The following MTA3 variants were observed in gnomAD, a reference collection of about 807,000 sequenced individuals.
MTA3 encodes metastasis associated 1 family member 3, also known as metastasis-associated protein MTA3.
Under a neutral mutation model 83.5 loss-of-function variants are expected in MTA3, and 34 were observed. The ratio of observed to expected loss-of-function variants is 0.41; its 90% confidence interval spans 0.31 to 0.54. The LOEUF (loss-of-function observed/expected upper bound fraction) is 0.54. MTA3 is among the 20% of genes least tolerant of loss of function. MTA3 has a pLI of 0.33. For missense variants in MTA3, 761 were observed against 726.4 expected (o/e 1.05, Z -0.55); for synonymous variants, 303 against 252.7 (o/e 1.20, Z -1.89).
At chr2:42,587,963 A>G (rs575976205) in intron 3 of MTA3, among the ~76,000 whole-genome samples, 26 of 152,310 alleles carry the variant, frequency 1.7e-4, no homozygotes, top group African/African-American at 5.8e-4. Context: ...AGAAATGCCT[A>G]TGTAAATTAA....
chr2:42,586,477 A>AACACACACACAC lies in MTA3; in HGVS notation c.190+7303_190+7314dup, dbSNP rs573814961. On this transcript the variant is annotated intron_variant, in intron 3 of 16. Transcript: ENST00000405094. ...GAAACCGGTACAAAGAAGGAAGGAA[A>AACACACACACAC]ACACACACACACACACACACACACA... Among the ~76,000 whole-genome samples the AACACACACACAC allele has an allele frequency of 4.8e-3, 349 of 72,710 alleles. 6 individuals carry two copies. The highest frequency in any genetic ancestry group is 0.018 in the African/African-American group (302 of 16,788). The allele number at this position is 72,710 out of a possible 152,430, so 47.7% of individuals were successfully genotyped here. A position where few individuals can be genotyped will look rare whatever the true frequency, so the allele number is the denominator to read the frequency against.
chr2:42,520,724 C>G (rs1675386972), intron 2 of MTA3, among the ~76,000 whole-genome samples: 1 of 152,054 alleles, frequency 6.6e-6, no homozygotes, highest in African/African-American at 2.4e-5. Context: ...CACCACCACA[C>G]CGGGCTAATT....
chr2:42,726,392 A>C (rs1333661052), intron 16 of MTA3, among the ~76,000 whole-genome samples: 1 of 150,828 alleles, frequency 6.6e-6, no homozygotes, highest in Non-Finnish European at 1.5e-5. Flanking sequence ...TTTAGGGTAC[A>C]TGTGCACAAT....
chr2:42,507,469 A>G (rs970659433), intron 2 of MTA3, among the ~76,000 whole-genome samples: 7 of 152,024 alleles, frequency 4.6e-5, no homozygotes, highest in African/African-American at 1.2e-4. Flanking sequence ...CTGGCTGAGA[A>G]TAAGATTTCT....
chr2:42,568,936 C>T (rs1165971199), intron 1 of MTA3, among the ~76,000 whole-genome samples, 163 bp downstream of exon 1: 1 of 151,282 alleles, frequency 6.6e-6, no homozygotes, highest in Admixed American at 6.6e-5. Flanking sequence ...CCCACCCCCA[C>T]CCATCCCTTC....
At chr2:42,617,134 G>C (rs752006379) in intron 4 of MTA3, among the ~76,000 whole-genome samples, 1 of 152,190 alleles carries the variant, frequency 6.6e-6, no homozygotes, top group Non-Finnish European at 1.5e-5. Flanking sequence ...TAGCCTATAA[G>C]AATTATTTAG....
chr2:42,731,735 C>A (rs1282125840), intron 16 of MTA3, among the ~76,000 whole-genome samples: 1 of 152,164 alleles, frequency 6.6e-6, no homozygotes, highest in East Asian at 1.9e-4. Flanking sequence ...CATGCCTTCC[C>A]AACAGTCCCC....
chr2:42,523,451 C>T (rs1030091260), intron 2 of MTA3, among the ~76,000 whole-genome samples: 3 of 152,114 alleles, frequency 2.0e-5, no homozygotes, highest in Admixed American at 6.6e-5. Flanking sequence ...ACGATCCAGC[C>T]TCAACCAGGA....
intron 2 of MTA3, among the ~76,000 whole-genome samples, chr2:42,531,968 G>A (rs1185206804): frequency 6.6e-6 from 1 of 152,034 alleles, no homozygotes; most frequent in African/African-American, 2.4e-5. Flanking sequence ...GTGTTAGCTA[G>A]GATGGTCTCG....
intron 2 of MTA3, among the ~76,000 whole-genome samples, chr2:42,539,451 G>A (rs1311556315): frequency 6.6e-6 from 1 of 151,942 alleles, no homozygotes; most frequent in African/African-American, 2.4e-5. Flanking sequence ...ATAGCATGGG[G>A]GAAACTGCCC....
chr2:42,748,579 T>G (rs1336542561), intron 16 of MTA3, among the ~76,000 whole-genome samples: 1 of 152,234 alleles, frequency 6.6e-6, no homozygotes, highest in Non-Finnish European at 1.5e-5. Flanking sequence ...GCCCACCTTG[T>G]CACCCATTAT....
At chr2:42,635,012 A>G (rs958614236) in intron 4 of MTA3, among the ~76,000 whole-genome samples, 8 of 152,142 alleles carry the variant, frequency 5.3e-5, no homozygotes, top group Non-Finnish European at 1.2e-4. Context: ...CCTTTTGATT[A>G]AGTCTTCTAA....
At chr2:42,556,073 A>G (rs1677375914) in intron 2 of MTA3, among the ~76,000 whole-genome samples, 1 of 151,882 alleles carries the variant, frequency 6.6e-6, no homozygotes, top group South Asian at 2.1e-4. Flanking sequence ...CTCTGTCTCA[A>G]AAAACAAAAG....
intron 2 of MTA3, among the ~76,000 whole-genome samples, chr2:42,533,650 A>C (rs1572938095): frequency 6.7e-6 from 1 of 149,586 alleles, no homozygotes; most frequent in African/African-American, 2.4e-5. Context: ...TGGCTAACAC[A>C]GTGAAACCCC....
chr2:42,720,372 G>A (rs968163829), intron 15 of MTA3, among the ~76,000 whole-genome samples: 3 of 151,862 alleles, frequency 2.0e-5, no homozygotes, highest in Admixed American at 6.6e-5. Context: ...TAGTAGAGAC[G>A]GGGTTTCACC....
chr2:42,555,122 C>G (rs1558432890), intron 2 of MTA3, among the ~76,000 whole-genome samples: 1 of 151,872 alleles, frequency 6.6e-6, no homozygotes, highest in Non-Finnish European at 1.5e-5. Flanking sequence ...CTACCGCACT[C>G]CAGCCTGGGT....
chr2:42,568,831 CG>C, intron 1 of MTA3, 58 bp downstream of exon 1: 1 of 1,210,416 alleles, frequency 8.3e-7, no homozygotes, highest in Non-Finnish European at 1.0e-6. Context: ...AGCGGGGGGC[CG>C]GGGCGAGTGC....
intron 2 of MTA3, chr2:42,533,082 T>TA: frequency 1.3e-5 from 2 of 159,102 alleles, no homozygotes; most frequent in South Asian, 3.1e-4. Context: ...TGTGGGGCAT[T>TA]CTTTTTTTTT....
At chr2:42,734,706 T>G (rs973327982) in intron 16 of MTA3, among the ~76,000 whole-genome samples, 1 of 152,150 alleles carries the variant, frequency 6.6e-6, no homozygotes, top group African/African-American at 2.4e-5. Context: ...TTATTTTTTG[T>G]GTATCTGTTG....
Sources: allele counts gnomAD v4.1 joint callset (sites outside exome capture counted in the v4.1 genomes callset), GRCh38; gene constraint gnomAD v4.1.1; transcripts MANE v1.5; gene names NCBI Gene and HGNC (gene_info 2026-07-23, HGNC 2026-07-21).